Variants in SAMTOR observed in about 807,000 individuals in gnomAD.
SAMTOR encodes UPF0532 protein C7orf60.
chr7:112,861,373 G>A, the SAMTOR span, among the ~76,000 whole-genome samples: 1 of 152,086 alleles, frequency 6.6e-6, no homozygotes, highest in African/African-American at 2.4e-5. Flanking sequence ...TGAGTGTGGT[G>A]GCATGCACCT....
At chr7:112,854,753 C>T in the SAMTOR span, among the ~76,000 whole-genome samples, 1 of 152,132 alleles carries the variant, frequency 6.6e-6, no homozygotes, top group South Asian at 2.1e-4. Context: ...CAGACCTTTT[C>T]TGGAAAATTG....
At chr7:112,876,002 T>C in the SAMTOR span, among the ~76,000 whole-genome samples, 1 of 152,140 alleles carries the variant, frequency 6.6e-6, no homozygotes, top group African/African-American at 2.4e-5. Context: ...GCTCTGTCAC[T>C]CAGGCTGGAG....
At chr7:112,914,256 GTTTA>G in the SAMTOR span, among the ~76,000 whole-genome samples, 3 of 123,012 alleles carry the variant, frequency 2.4e-5, no homozygotes, top group South Asian at 2.7e-4. Flanking sequence ...GGGAATTCAT[GTTTA>G]TTTATTTAGC....
At chr7:112,924,983 A>G in the SAMTOR span, among the ~76,000 whole-genome samples, 1 of 152,220 alleles carries the variant, frequency 6.6e-6, no homozygotes, top group Non-Finnish European at 1.5e-5. Flanking sequence ...AGTTGAAGGT[A>G]TACACAAATG....
chr7:112,900,109 A>T, the SAMTOR span, among the ~76,000 whole-genome samples: 1 of 152,224 alleles, frequency 6.6e-6, no homozygotes, highest in East Asian at 1.9e-4. Context: ...GGATAAATTT[A>T]TTATATCTGT....
chr7:112,927,090 T>C, the SAMTOR span, among the ~76,000 whole-genome samples: 1 of 152,054 alleles, frequency 6.6e-6, no homozygotes, highest in African/African-American at 2.4e-5. Context: ...TTTGTTTTTA[T>C]AGTATTTAAA....
chr7:112,832,048 G>A, the SAMTOR span, among the ~76,000 whole-genome samples: 5 of 146,352 alleles, frequency 3.4e-5, no homozygotes, highest in Admixed American at 2.8e-4. Flanking sequence ...GTCTCACTGT[G>A]TCACCCAGGC....
the SAMTOR span, among the ~76,000 whole-genome samples, chr7:112,933,241 C>T: frequency 1.3e-5 from 2 of 152,142 alleles, no homozygotes; most frequent in African/African-American, 4.8e-5. Flanking sequence ...TCCACTTAAT[C>T]GTCAAATGTG....
At chr7:112,824,700 G>A in the SAMTOR span, among the ~76,000 whole-genome samples, 1 of 151,984 alleles carries the variant, frequency 6.6e-6, no homozygotes. Context: ...ATGGTTTGAA[G>A]TTTCTTCTTT....
chr7:112,862,803 C>T, the SAMTOR span, among the ~76,000 whole-genome samples: 1 of 152,078 alleles, frequency 6.6e-6, no homozygotes, highest in Non-Finnish European at 1.5e-5. Context: ...GTGGAAGACA[C>T]CTGTAATCCC....
chr7:112,835,356 T>C, the SAMTOR span, among the ~76,000 whole-genome samples: 2 of 152,162 alleles, frequency 1.3e-5, no homozygotes, highest in East Asian at 1.9e-4. Flanking sequence ...TTCCAATATG[T>C]TGGTAGATAG....
At chr7:112,914,283 T>TG in the SAMTOR span, among the ~76,000 whole-genome samples, 1 of 150,246 alleles carries the variant, frequency 6.7e-6, no homozygotes. Flanking sequence ...CTAGTTTTTT[T>TG]TTTTTTTTTT....
chr7:112,846,361 T>C, the SAMTOR span, among the ~76,000 whole-genome samples: 8 of 152,122 alleles, frequency 5.3e-5, no homozygotes, highest in South Asian at 2.1e-4. Context: ...TGGGGCCTAC[T>C]TGAGGGTAGA....
the SAMTOR span, among the ~76,000 whole-genome samples, chr7:112,871,883 C>A: frequency 2.6e-5 from 4 of 152,110 alleles, no homozygotes; most frequent in African/African-American, 4.8e-5. Flanking sequence ...TCTATGCTCA[C>A]AAAATAGAAA....
the SAMTOR span, among the ~76,000 whole-genome samples, chr7:112,922,915 C>T: frequency 1.3e-5 from 2 of 149,198 alleles, no homozygotes; most frequent in South Asian, 2.1e-4. Context: ...CCAGCCGCCC[C>T]ATCCGTCCCT....
the SAMTOR span, among the ~76,000 whole-genome samples, chr7:112,897,400 C>A: frequency 6.6e-6 from 1 of 152,008 alleles, no homozygotes; most frequent in Non-Finnish European, 1.5e-5. Flanking sequence ...TCAGGTAGAA[C>A]CATATAAAAC....
chr7:112,852,626 T>A, the SAMTOR span, among the ~76,000 whole-genome samples: 276 of 152,108 alleles, frequency 1.8e-3, no homozygotes, highest in Non-Finnish European at 2.9e-3. Flanking sequence ...ATTATAAAAT[T>A]TTTGGTCAGC....
At chr7:112,825,607 T>C in the SAMTOR span, among the ~76,000 whole-genome samples, 1 of 152,184 alleles carries the variant, frequency 6.6e-6, no homozygotes, top group Admixed American at 6.5e-5. Flanking sequence ...AAAAATCAAA[T>C]AGATGATCGA....
chr7:112,932,773 T>C, the SAMTOR span, among the ~76,000 whole-genome samples: 1 of 152,280 alleles, frequency 6.6e-6, no homozygotes, highest in African/African-American at 2.4e-5. Context: ...ACAACTGTGT[T>C]TGTGGGGATG....
Sources: gnomAD v4.1 joint callset for allele counts (sites outside exome capture counted in the v4.1 genomes callset) on GRCh38, gnomAD v4.1.1 for gene constraint, MANE v1.5 for transcripts, NCBI Gene and HGNC (gene_info 2026-07-23, HGNC 2026-07-21) for gene names.